The following RCAN2 variants were observed in gnomAD, a reference collection of about 807,000 sequenced individuals.
The protein encoded by RCAN2 is regulator of calcineurin 2, also known as calcipressin-2.
RCAN2 carries 9 observed loss-of-function variants against 23.6 expected under a neutral mutation model. That is an observed-to-expected ratio of 0.38 (90% CI 0.23 to 0.67). RCAN2 has a LOEUF of 0.67. RCAN2 is among the 30% of genes least tolerant of loss of function. RCAN2 has a pLI of 0.51. For synonymous variants in RCAN2, 109 were observed against 115.7 expected (o/e 0.94, Z 0.37); for missense variants, 273 against 302.3 (o/e 0.90, Z 0.72).
intron 2 of RCAN2, among the ~76,000 whole-genome samples, chr6:46,376,536 C>T (rs946625135): frequency 4.6e-5 from 7 of 152,040 alleles, no homozygotes; most frequent in Non-Finnish European, 8.8e-5. Context: ...AAAAATTAGT[C>T]AGGTGTGGTG....
chr6:46,406,925 T>C (rs1351360314), intron 2 of RCAN2, among the ~76,000 whole-genome samples: 2 of 152,232 alleles, frequency 1.3e-5, no homozygotes, highest in African/African-American at 4.8e-5. Flanking sequence ...AATTATGTGC[T>C]GGGCGATTCA....
intron 2 of RCAN2, among the ~76,000 whole-genome samples, chr6:46,352,017 T>C (rs1456589106): frequency 6.6e-6 from 1 of 152,190 alleles, no homozygotes; most frequent in East Asian, 1.9e-4. Flanking sequence ...TAATGTAACC[T>C]GTCTAAGAAT....
chr6:46,338,840 C>T (rs1029322836), intron 2 of RCAN2, among the ~76,000 whole-genome samples: 5 of 151,720 alleles, frequency 3.3e-5, no homozygotes, highest in Non-Finnish European at 5.9e-5. Flanking sequence ...TGGTGAAGCC[C>T]AGTCTCTAAA....
chr6:46,404,900 C>T (rs950782866), intron 2 of RCAN2, among the ~76,000 whole-genome samples: 4 of 152,118 alleles, frequency 2.6e-5, no homozygotes, highest in African/African-American at 9.7e-5. Flanking sequence ...TGAAGAAAAC[C>T]AATTATGTTC....
chr6:46,349,776 T>C (rs1764591312), intron 2 of RCAN2, among the ~76,000 whole-genome samples: 1 of 152,176 alleles, frequency 6.6e-6, no homozygotes, highest in Admixed American at 6.5e-5. Flanking sequence ...TCACCTGGAC[T>C]AATGCCAGAG....
chr6:46,449,489 T>C (rs908295246), intron 2 of RCAN2, among the ~76,000 whole-genome samples: 4 of 149,234 alleles, frequency 2.7e-5, no homozygotes, highest in African/African-American at 9.8e-5. Context: ...TTCACAGAAA[T>C]AGAAAAAAAA....
intron 2 of RCAN2, among the ~76,000 whole-genome samples, chr6:46,257,082 G>A (rs888767529): frequency 6.6e-6 from 1 of 152,154 alleles, no homozygotes; most frequent in African/African-American, 2.4e-5. Flanking sequence ...CATGAAACAA[G>A]CAGCGATTGG....
At chr6:46,316,077 G>T (rs1347103625) in intron 2 of RCAN2, among the ~76,000 whole-genome samples, 1 of 152,156 alleles carries the variant, frequency 6.6e-6, no homozygotes, top group Non-Finnish European at 1.5e-5. Context: ...TGTCCCTGAG[G>T]TGAGGGCACT....
chr6:46,343,610 C>T (rs1036909086), intron 2 of RCAN2, among the ~76,000 whole-genome samples: 1 of 151,998 alleles, frequency 6.6e-6, no homozygotes, highest in Admixed American at 6.6e-5. Flanking sequence ...CTCCTGACCT[C>T]GTGATCTGCC....
intron 2 of RCAN2, among the ~76,000 whole-genome samples, chr6:46,269,664 CCTTT>C (rs1281942210): frequency 6.6e-6 from 1 of 152,058 alleles, no homozygotes; most frequent in Non-Finnish European, 1.5e-5. Flanking sequence ...CAGATACAGG[CCTTT>C]CTTGGATGGT....
intron 2 of RCAN2, among the ~76,000 whole-genome samples, chr6:46,331,113 A>C (rs775210922): frequency 1.3e-5 from 2 of 152,324 alleles, no homozygotes; most frequent in Non-Finnish European, 2.9e-5. Flanking sequence ...ACTACTTCTC[A>C]TCTACTATTT....
At chr6:46,349,992 C>T (rs1335432081) in intron 2 of RCAN2, among the ~76,000 whole-genome samples, 1 of 152,210 alleles carries the variant, frequency 6.6e-6, no homozygotes, top group Non-Finnish European at 1.5e-5. Context: ...CCCTGGCCCC[C>T]ACTTGACATC....
chr6:46,317,530 C>T (rs990805802), intron 2 of RCAN2, among the ~76,000 whole-genome samples: 2 of 152,074 alleles, frequency 1.3e-5, no homozygotes, highest in African/African-American at 2.4e-5. Context: ...GGCATGATCT[C>T]GGCTCACTGC....
chr6:46,260,673 G>A (rs1767082330), intron 2 of RCAN2, among the ~76,000 whole-genome samples: 1 of 152,152 alleles, frequency 6.6e-6, no homozygotes, highest in South Asian at 2.1e-4. Context: ...TTCTGGTGGG[G>A]CACTCACCAG....
chr6:46,469,100 T>G (rs1768479048), intron 1 of RCAN2, among the ~76,000 whole-genome samples: 1 of 152,204 alleles, frequency 6.6e-6, no homozygotes. Flanking sequence ...CAGGGCTGAT[T>G]GTACTTCTGC....
At position 46,229,556 on chromosome 6, in the gene RCAN2, C is replaced by T. The variant is rs539943007; in HGVS notation, c.572-6255G>A. On this transcript the variant is annotated intron_variant, in intron 4 of 4. Coordinates refer to ENST00000371374, the MANE Select transcript of RCAN2 (RefSeq NM_001251974.2). ...ACTGATACCCTTTCTTCCACCTGAT[C>T]AAATTGGCTACTGAAGCTTTTGTAT... Among the ~76,000 whole-genome samples, 34 of 152,276 alleles carry T rather than the reference C, an allele frequency of 2.2e-4. 1 individual carries two copies. The South Asian group carries it at 6.2e-3, about 28-fold the overall frequency.
At chr6:46,282,188 C>T (rs928583943) in intron 2 of RCAN2, among the ~76,000 whole-genome samples, 2 of 152,292 alleles carry the variant, frequency 1.3e-5, no homozygotes, top group African/African-American at 4.8e-5. Flanking sequence ...AAACAGACCA[C>T]TCAAATATCC....
At chr6:46,266,158 G>A (rs574332524) in intron 2 of RCAN2, among the ~76,000 whole-genome samples, 1 of 152,266 alleles carries the variant, frequency 6.6e-6, no homozygotes, top group South Asian at 2.1e-4. Context: ...AGTTTAAGAG[G>A]TACCAGTTTA....
At chr6:46,292,865 C>T (rs1251991124) in intron 2 of RCAN2, among the ~76,000 whole-genome samples, 3 of 152,170 alleles carry the variant, frequency 2.0e-5, no homozygotes, top group Admixed American at 6.5e-5. Flanking sequence ...AACGCTATCC[C>T]TCCCCTAGCC....
Sources: allele counts gnomAD v4.1 joint callset (sites outside exome capture counted in the v4.1 genomes callset), GRCh38; gene constraint gnomAD v4.1.1; transcripts MANE v1.5; gene names NCBI Gene and HGNC (gene_info 2026-07-23, HGNC 2026-07-21).